The following CA5A variants were observed in gnomAD, a reference collection of about 807,000 sequenced individuals.
The protein encoded by CA5A is carbonic anhydrase 5A, mitochondrial.
In CA5A, 28 loss-of-function variants were observed where a neutral mutation model predicts 37.1. The ratio of observed to expected loss-of-function variants is 0.75; its 90% confidence interval spans 0.56 to 1.03. CA5A has a LOEUF of 1.03. Among genes scored for constraint, CA5A ranks in the 50% least tolerant of loss-of-function variants. The pLI is 0.00. For missense variants in CA5A, 444 were observed against 399.9 expected (o/e 1.11, Z -0.94); for synonymous variants, 171 against 158.4 (o/e 1.08, Z -0.60).
At chr16:87,919,450 C>T (rs1016605246) in intron 2 of CA5A, among the ~76,000 whole-genome samples, 17 of 152,166 alleles carry the variant, frequency 1.1e-4, no homozygotes, top group African/African-American at 1.9e-4. Flanking sequence ...GGGAAAGAGG[C>T]GACATCGCTC....
intron 5 of CA5A, chr16:87,893,059 T>C (rs1383384111): frequency 2.4e-5 from 27 of 1,133,056 alleles, no homozygotes; most frequent in Non-Finnish European, 3.0e-5. Context: ...ACGAAGGCCA[T>C]GCAGTCTCTC....
At chr16:87,917,138 AAAG>A (rs950834828) in intron 2 of CA5A, among the ~76,000 whole-genome samples, 3 of 151,716 alleles carry the variant, frequency 2.0e-5, no homozygotes, top group Non-Finnish European at 2.9e-5. Context: ...AAAAGAAAGA[AAAG>A]AAAAAAGAAA....
chr16:87,913,880 G>A (rs1301192175), intron 2 of CA5A, among the ~76,000 whole-genome samples: 4 of 152,194 alleles, frequency 2.6e-5, no homozygotes. Context: ...GCCCAAGGGG[G>A]GTCATCTGGG....
At chr16:87,916,963 G>T (rs1288214857) in intron 2 of CA5A, among the ~76,000 whole-genome samples, 1 of 152,046 alleles carries the variant, frequency 6.6e-6, no homozygotes, top group South Asian at 2.1e-4. Context: ...AAATTAGCCA[G>T]GCGTGGTGGT....
At chr16:87,900,021 C>T (rs1467024436) in intron 5 of CA5A, among the ~76,000 whole-genome samples, 4 of 151,156 alleles carry the variant, frequency 2.6e-5, no homozygotes, top group African/African-American at 7.3e-5. Flanking sequence ...GAGCTCAGTC[C>T]GCGGTGGCAC....
At chr16:87,932,393 G>A (rs949170929) in intron 1 of CA5A, among the ~76,000 whole-genome samples, 9 of 152,088 alleles carry the variant, frequency 5.9e-5, no homozygotes, top group African/African-American at 2.2e-4. Flanking sequence ...TCTGTTTGCT[G>A]AGCTGCACCA....
intron 2 of CA5A, among the ~76,000 whole-genome samples, chr16:87,908,002 G>C (rs2055990930): frequency 6.6e-6 from 1 of 152,236 alleles, no homozygotes; most frequent in African/African-American, 2.4e-5. Flanking sequence ...CTTAGTGCAG[G>C]AAGGGGTCAT....
intron 2 of CA5A, among the ~76,000 whole-genome samples, chr16:87,913,110 C>G (rs1332850209): frequency 1.3e-5 from 2 of 151,768 alleles, no homozygotes; most frequent in Admixed American, 6.6e-5. Flanking sequence ...CCTCCTGTAG[C>G]TGGGATTACA....
intron 1 of CA5A, among the ~76,000 whole-genome samples, chr16:87,930,599 C>T (rs995039205): frequency 1.3e-5 from 2 of 152,112 alleles, no homozygotes; most frequent in African/African-American, 4.8e-5. Flanking sequence ...GCAACGGGCC[C>T]TCCCTGTCAG....
intron 1 of CA5A, 36 bp from the exon 2 acceptor site, chr16:87,926,981 T>C (rs771280544): frequency 1.5e-6 from 2 of 1,371,738 alleles, no homozygotes; most frequent in Admixed American, 2.0e-5. Flanking sequence ...GAGTGAGGCA[T>C]GAGCTTCATC....
At chr16:87,920,162 A>T (rs2056210614) in intron 2 of CA5A, among the ~76,000 whole-genome samples, 1 of 152,096 alleles carries the variant, frequency 6.6e-6, no homozygotes, top group South Asian at 2.1e-4. Context: ...GCCATAGCCA[A>T]CTCACCCCTC....
chr16:87,899,104 G>C (rs2055841456), intron 5 of CA5A, among the ~76,000 whole-genome samples: 2 of 152,026 alleles, frequency 1.3e-5, no homozygotes, highest in Non-Finnish European at 2.9e-5. Context: ...CAGCTCAGGA[G>C]TGGTGGATCT....
In CA5A at chr16:87,892,992, G is replaced by A. The variant is rs111559567; in HGVS notation, c.619-1038C>T. Reference sequence around the variant, plus strand: ...GGGAGTCATGGTGGCCAAGAAGGATGTCCACATGCCTAAGCACCCGGAGAT... The same window carrying A: ...GGGAGTCATGGTGGCCAAGAAGGATATCCACATGCCTAAGCACCCGGAGAT... On this transcript the variant is annotated intron_variant, in intron 5 of 6. Transcript: ENST00000649794. 7,620 of 1,217,710 alleles carry A rather than the reference G, an allele frequency of 6.3e-3. 396 individuals are homozygous for A. The African/African-American group carries it at 0.1, about 17-fold the overall frequency. 75.4% of individuals were successfully genotyped at this position (1,217,710 alleles called of 1,614,324 possible).
intron 2 of CA5A, among the ~76,000 whole-genome samples, chr16:87,909,930 C>G (rs1030638406): frequency 2.0e-5 from 3 of 152,146 alleles, no homozygotes; most frequent in African/African-American, 7.2e-5. Flanking sequence ...ACTGTGTGCT[C>G]TAGGTCCAGC....
downstream of CA5A, chr16:87,887,050 G>A (rs967528952): frequency 9.9e-5 from 15 of 151,988 alleles, no homozygotes; most frequent in African/African-American, 2.9e-4. Flanking sequence ...TTACAGGCAT[G>A]AGCCACCACA....
intron 1 of CA5A, among the ~76,000 whole-genome samples, chr16:87,932,784 C>T (rs1038889357): frequency 3.9e-5 from 6 of 152,184 alleles, no homozygotes; most frequent in Non-Finnish European, 8.8e-5. Flanking sequence ...GATGCATTCT[C>T]AGTCTCCAGG....
downstream of CA5A, chr16:87,883,158 T>A (rs1040954805): frequency 2.0e-5 from 3 of 151,678 alleles, no homozygotes; most frequent in Admixed American, 2.0e-4. Flanking sequence ...GTAGCTGGGA[T>A]TATAGGTGCG....
At chr16:87,918,154 C>T (rs538038987) in intron 2 of CA5A, among the ~76,000 whole-genome samples, 80 of 152,316 alleles carry the variant, frequency 5.3e-4, no homozygotes, top group African/African-American at 1.8e-3. Context: ...TCTCAGGCCT[C>T]GTTTGGATTT....
In CA5A at chr16:87,896,882, C is replaced by T. The variant is rs545715401; in HGVS notation, c.619-4928G>A. Among the ~76,000 whole-genome samples the T allele has an allele frequency of 6.6e-5, 10 of 152,346 alleles. No homozygotes were observed. The East Asian group carries it at 1.5e-3, about 23-fold the overall frequency. ...CTCAAACTCCTGACCTCAGGTGATC[C>T]GCCCGCCTCAGCCTCCCACAGTGCT... is the stretch of plus-strand genomic sequence containing the variant. On this transcript the variant is annotated intron_variant, in intron 5 of 6. Coordinates refer to ENST00000649794, the MANE Select transcript of CA5A (RefSeq NM_001739.2).
Sources: gnomAD v4.1 joint callset for allele counts (sites outside exome capture counted in the v4.1 genomes callset) on GRCh38, gnomAD v4.1.1 for gene constraint, MANE v1.5 for transcripts, NCBI Gene and HGNC (gene_info 2026-07-23, HGNC 2026-07-21) for gene names.